PCAT7: variants seen among roughly 807,000 people sequenced by gnomAD.
PCAT7 encodes the protein prostate cancer associated transcript 7.
chr9:94,562,540 G>A (rs575380350), intron 2 of PCAT7, among the ~76,000 whole-genome samples: 12 of 152,172 alleles, frequency 7.9e-5, no homozygotes, highest in African/African-American at 2.6e-4. Context: ...ATCTCTCAGC[G>A]TGGCTTTGAT....
At chr9:94,567,866 T>C (rs612202) in intron 2 of PCAT7, 75,372 of 155,566 alleles carry the variant, frequency 0.48, 18,901 homozygotes, top group African/African-American at 0.6. Context: ...CAGTGGCTTA[T>C]GCATGTAATC....
At chr9:94,555,789 G>A (rs563700642) in intron 1 of PCAT7, among the ~76,000 whole-genome samples, 1 of 151,840 alleles carries the variant, frequency 6.6e-6, no homozygotes, top group African/African-American at 2.4e-5. Flanking sequence ...AAAAGTGTTT[G>A]GGTAGATGGA....
intron 2 of PCAT7, chr9:94,571,534 A>T: frequency 6.2e-7 from 1 of 1,614,098 alleles, no homozygotes; most frequent in East Asian, 2.2e-5. Flanking sequence ...CGTACAGCGC[A>T]TAACCTGCGG....
At chr9:94,563,154 G>A (rs1013390689) in intron 2 of PCAT7, among the ~76,000 whole-genome samples, 11 of 152,136 alleles carry the variant, frequency 7.2e-5, no homozygotes, top group African/African-American at 2.4e-4. Context: ...TCAGCCTGTC[G>A]CCTTCTTCTT....
intron 1 of PCAT7, among the ~76,000 whole-genome samples, chr9:94,556,937 T>C (rs1443967771): frequency 6.6e-6 from 1 of 152,222 alleles, no homozygotes; most frequent in African/African-American, 2.4e-5. Flanking sequence ...TTGAAGAGAT[T>C]GTCCTTCCCG....
chr9:94,564,371 T>C (rs1827155117), intron 2 of PCAT7, among the ~76,000 whole-genome samples: 1 of 152,236 alleles, frequency 6.6e-6, no homozygotes, highest in East Asian at 1.9e-4. Flanking sequence ...GTATGTTCAC[T>C]GCAACACTAT....
chr9:94,561,646 T>C (rs992939282), intron 2 of PCAT7, among the ~76,000 whole-genome samples: 1 of 152,094 alleles, frequency 6.6e-6, no homozygotes, highest in Non-Finnish European at 1.5e-5. Context: ...ATTACAGGCG[T>C]GAGCCACCGC....
At chr9:94,557,655 G>A (rs776746431) in intron 1 of PCAT7, among the ~76,000 whole-genome samples, 1 of 152,186 alleles carries the variant, frequency 6.6e-6, no homozygotes, top group Non-Finnish European at 1.5e-5. Context: ...GGTCCCACCC[G>A]ACACTGCCTT....
intron 2 of PCAT7, chr9:94,570,751 T>G (rs1827259828): frequency 6.6e-6 from 1 of 152,220 alleles, no homozygotes; most frequent in Admixed American, 6.5e-5. Flanking sequence ...CTGTAAACTC[T>G]GTTTTGTAAG....
chr9:94,567,297 T>C lies in PCAT7; in HGVS notation n.442-5682T>C, dbSNP rs778811613. ...CAGGGAATTTCTTTTTCTGCACATA[T>C]TCAGTGGTGGCCGCATCAAAATACT... On this transcript the variant is annotated intron_variant and non_coding_transcript_variant, in intron 2 of 8. Coordinates refer to ENST00000647389, the Ensembl canonical transcript of PCAT7. 13 of 1,614,058 alleles carry C rather than the reference T, an allele frequency of 8.1e-6. No homozygotes were observed. The East Asian group carries it at 2.0e-4, about 25-fold the overall frequency.
rs61753274 is a variant in PCAT7 at position 94,571,542 on chromosome 9, C to T, written n.442-1437C>T. Reference sequence around the variant, plus strand: ...GCACTACCGTACAGCGCATAACCTGCGGCCACAATATTGCGGCCACACTGC... The same window carrying T: ...GCACTACCGTACAGCGCATAACCTGTGGCCACAATATTGCGGCCACACTGC... On this transcript the variant is annotated intron_variant and non_coding_transcript_variant, in intron 2 of 8. Transcript: ENST00000647389. 6,965 of 1,613,686 alleles carry T rather than the reference C, an allele frequency of 4.3e-3. 27 individuals are homozygous for T. The highest frequency in any genetic ancestry group is 8.5e-3 in the Admixed American group (509 of 59,994).
chr9:94,571,282 G>A (rs1367331287), intron 2 of PCAT7, among the ~76,000 whole-genome samples: 7 of 152,140 alleles, frequency 4.6e-5, no homozygotes, highest in African/African-American at 2.4e-5. Flanking sequence ...TGCCCTCACT[G>A]GGACAGAGGC....
chr9:94,570,134 G>C (rs1433957797), intron 2 of PCAT7: 4 of 152,188 alleles, frequency 2.6e-5, no homozygotes, highest in African/African-American at 7.2e-5. Context: ...TGTCCAGACT[G>C]GGCCCTGCTT....
intron 2 of PCAT7, chr9:94,559,270 G>T: frequency 1.4e-6 from 1 of 704,366 alleles, no homozygotes; most frequent in Non-Finnish European, 2.3e-6. Context: ...CCTTGCAAGA[G>T]TGGGCCCGAG....
Position 94,560,146 on chromosome 9 carries a change from G to T in PCAT7, n.441+994G>T, listed in dbSNP as rs1205637595. 3.3e-5 allele frequency among the ~76,000 whole-genome samples: 5 copies of T among 152,142 alleles called. No individual in the cohort carries two copies. The South Asian group carries it at 6.2e-4, about 19-fold the overall frequency. ...TCTCAAAAACGAAGAAAGTGTCCAA[G>T]CAAGGCCACTGTTTCCTGCACGAGG... On this transcript the variant is annotated intron_variant and non_coding_transcript_variant, in intron 2 of 8. Coordinates refer to ENST00000647389, the Ensembl canonical transcript of PCAT7.
intron 2 of PCAT7, among the ~76,000 whole-genome samples, chr9:94,571,116 A>G (rs900056595): frequency 3.9e-5 from 6 of 152,218 alleles, no homozygotes; most frequent in Non-Finnish European, 8.8e-5. Context: ...TGCTCTAACG[A>G]ACCCATGCTT....
chr9:94,570,205 C>A (rs961172381), intron 2 of PCAT7: 8 of 152,184 alleles, frequency 5.3e-5, no homozygotes, highest in African/African-American at 1.7e-4. Flanking sequence ...GAATTGGGTC[C>A]CTGAGTCAAA....
chr9:94,563,341 C>G (rs1564179672), intron 2 of PCAT7: 12 of 1,613,882 alleles, frequency 7.4e-6, no homozygotes, highest in East Asian at 2.2e-5. Context: ...GGGAGAATTA[C>G]CTTGCCCTTA....
chr9:94,565,785 TA>T (rs1564180706), intron 2 of PCAT7, among the ~76,000 whole-genome samples: 149 of 146,160 alleles, frequency 1.0e-3, no homozygotes, highest in African/African-American at 3.9e-3. Flanking sequence ...GATAGATAGA[TA>T]GATGATAGAT....
Sources: gnomAD v4.1 joint callset for allele counts (sites outside exome capture counted in the v4.1 genomes callset) on GRCh38, gnomAD v4.1.1 for gene constraint, MANE v1.5 for transcripts, NCBI Gene and HGNC (gene_info 2026-07-23, HGNC 2026-07-21) for gene names.